The following DMXL1 variants were observed in gnomAD, a reference collection of about 807,000 sequenced individuals.
The protein encoded by DMXL1 is Dmx like 1.
In DMXL1, 99 loss-of-function variants were observed where a neutral mutation model predicts 319.2. The observed-to-expected ratio is 0.31, with a 90% CI of 0.26 to 0.37. DMXL1 has a LOEUF of 0.37. Among genes scored for constraint, DMXL1 ranks in the 10% least tolerant of loss-of-function variants. The probability of loss-of-function intolerance (pLI) is 1.00; values close to 1 mark genes in which losing one functional copy is unlikely to be tolerated. For synonymous variants in DMXL1, 1,385 were observed against 1,235.2 expected, an observed-to-expected ratio of 1.12 and a Z score of -2.54; for missense variants, 3,745 against 3,595.6, an observed-to-expected ratio of 1.04 and a Z score of -1.06.
Position 119,157,375 on chromosome 5 carries a change from T to G in DMXL1, c.4702+5339T>G, listed in dbSNP as rs1251246745. 2.0e-5 allele frequency among the ~76,000 whole-genome samples: 3 copies of G among 152,334 alleles called. No individual in the cohort carries two copies. The South Asian group carries it at 6.2e-4, about 32-fold the overall frequency. ...GCTTTTGTTGCCCGTCCCTTTGGTGTGATATCCAAAAAAATCATTGCCCAG... is the reference window on the plus strand; with the variant it reads ...GCTTTTGTTGCCCGTCCCTTTGGTGGGATATCCAAAAAAATCATTGCCCAG... On this transcript the variant is annotated intron_variant, in intron 19 of 43. Coordinates refer to ENST00000539542, the MANE Select transcript of DMXL1 (RefSeq NM_001290321.3).
rs754599114 is a variant in DMXL1 at position 119,148,976 on chromosome 5, G to A, written c.3149G>A (p.Ser1050Asn). The A allele has an allele frequency of 1.5e-5, 24 of 1,613,824 alleles. No homozygotes were observed. The highest frequency in any genetic ancestry group is 1.9e-5 in the Non-Finnish European group (22 of 1,179,862). ...GTACCTGGTAGGCCTGTAGAAGTTA[G>A]CTGTGCACATACAAATCGTTTAGCA... ...ITVPGRPVEV[S>N]CAHTNRLAVA... is the part of the protein sequence containing the mutation. Residue 1050 changes from serine to asparagine, a missense_variant, in exon 18 of 44, where the codon AGC becomes AAC. By Grantham distance (46) the Ser-to-Asn change is conservative. This residue lies in a region of DMXL1 where 2,096 missense variants were observed against 1,985.4 expected (regional missense o/e 1.06). Transcript: ENST00000539542.
intron 9 of DMXL1, among the ~76,000 whole-genome samples, chr5:119,123,925 A>G (rs1267842321): frequency 6.7e-6 from 1 of 149,890 alleles, no homozygotes; most frequent in East Asian, 2.0e-4. Context: ...TGATACTTAA[A>G]TTTTTGCTTA....
At chr5:119,152,091 C>A in intron 19 of DMXL1, 55 bp downstream of exon 19, 1 of 1,228,822 alleles carries the variant, frequency 8.1e-7, no homozygotes, top group Non-Finnish European at 1.2e-6. Flanking sequence ...AAATGAGAGA[C>A]TTGGGAGTTT....
At chr5:119,236,278 C>T (rs1347248772) in intron 39 of DMXL1, 1 of 151,944 alleles carries the variant, frequency 6.6e-6, no homozygotes, top group African/African-American at 2.4e-5. Context: ...ATTTATATTA[C>T]CACATAGGAT....
intron 20 of DMXL1, 99 bp from the exon 21 acceptor site, chr5:119,165,084 A>T: frequency 1.4e-6 from 1 of 697,334 alleles, no homozygotes; most frequent in Non-Finnish European, 2.4e-6. Flanking sequence ...TTAAAATTTT[A>T]TTAAACATTC....
rs932352324 is a variant in DMXL1, at chr5:119,248,449, A to G, written c.*1230A>G. 6.6e-6 allele frequency: 1 copy of G among 152,532 alleles called. No homozygotes were observed. The highest frequency in any genetic ancestry group is 1.9e-4 in the East Asian group (1 of 5,200). The allele number at this position is 152,532 out of a possible 1,614,324, so 9.4% of individuals were successfully genotyped here. A position where few individuals can be genotyped will look rare whatever the true frequency, so the allele number is the denominator to read the frequency against. ...GCTGTACCTTTTCTGATTCAGAATT[A>G]TAGAAAACTTGATAAATACTTGATT... is the stretch of plus-strand genomic sequence containing the variant. On this transcript the variant is annotated 3_prime_UTR_variant, in exon 44 of 44. Transcript: ENST00000539542.
At chr5:119,210,864 G>A (rs1229220613) in intron 34 of DMXL1, among the ~76,000 whole-genome samples, 1 of 149,128 alleles carries the variant, frequency 6.7e-6, no homozygotes, top group Non-Finnish European at 1.5e-5. Flanking sequence ...CTGATCTTGG[G>A]GAAAGCAGTC....
chr5:119,145,739 T>A (rs1768381044), intron 15 of DMXL1, among the ~76,000 whole-genome samples: 1 of 151,740 alleles, frequency 6.6e-6, no homozygotes. Context: ...AAGGCTAAGA[T>A]TTTTCTTAAA....
At chr5:119,215,692 T>C (rs1783559599) in intron 34 of DMXL1, among the ~76,000 whole-genome samples, 2 of 152,292 alleles carry the variant, frequency 1.3e-5, no homozygotes, top group South Asian at 2.1e-4. Flanking sequence ...TGGCCGGGCA[T>C]TGGTGATATT....
chr5:119,171,842 C>T lies in DMXL1; in HGVS notation c.6554C>T (p.Ala2185Val), dbSNP rs1171468122. 1.2e-5 allele frequency: 20 copies of T among 1,613,846 alleles called. No homozygotes were observed. The highest frequency in any genetic ancestry group is 1.5e-5 in the Non-Finnish European group (18 of 1,179,860). ...SEQTSVPLLF[A>V]CTANAKTVVA... ...CAAACCTCAGTGCCTCTCCTCTTTGCTTGTACAGCCAATGCCAAAACAGTA... is the reference window on the plus strand; with the variant it reads ...CAAACCTCAGTGCCTCTCCTCTTTGTTTGTACAGCCAATGCCAAAACAGTA... The change falls in exon 25 of 44, where the codon GCT becomes GTT. Residue 2185 changes from alanine (A) to valine (V), a missense_variant. Coordinates refer to ENST00000539542, the MANE Select transcript of DMXL1 (RefSeq NM_001290321.3).
rs144893509 is a variant in DMXL1, at chr5:119,161,967, G to A, written c.4703-2540G>A. On this transcript the variant is annotated intron_variant, in intron 19 of 43. Coordinates refer to ENST00000539542, the MANE Select transcript of DMXL1 (RefSeq NM_001290321.3). ...GTCTACCTCCTTTCTTTGTTTCTAC[G>A]CAACACCAGATGATCTAGCTGTGAC... Among the ~76,000 whole-genome samples the A allele has an allele frequency of 1.7e-4, 26 of 152,260 alleles. 1 individual carries two copies. Among genetic ancestry groups the A allele is most frequent in the Admixed American group, 1.0e-3 (16 of 15,298 alleles).
chr5:119,232,850 A>G (rs1319208113), intron 38 of DMXL1, among the ~76,000 whole-genome samples: 3 of 151,938 alleles, frequency 2.0e-5, no homozygotes, highest in East Asian at 1.9e-4. Context: ...AAAAAAACAG[A>G]TAACATATAT....
At chr5:119,228,588 G>T (rs1029999529) in intron 38 of DMXL1, among the ~76,000 whole-genome samples, 2 of 152,070 alleles carry the variant, frequency 1.3e-5, no homozygotes, top group African/African-American at 4.8e-5. Flanking sequence ...TGCTTCCCAT[G>T]CAATTTAACA....
intron 1 of DMXL1, among the ~76,000 whole-genome samples, chr5:119,075,209 A>G (rs1325031871): frequency 6.6e-6 from 1 of 151,548 alleles, no homozygotes; most frequent in Non-Finnish European, 1.5e-5. Flanking sequence ...TTTGAGTCCA[A>G]ATAAAATATT....
chr5:119,124,311 C>G (rs1000747795), intron 9 of DMXL1, among the ~76,000 whole-genome samples: 2 of 147,524 alleles, frequency 1.4e-5, no homozygotes, highest in African/African-American at 2.5e-5. Flanking sequence ...GAGCGAGACT[C>G]CATCTCAAAA....
chr5:119,083,302 C>G (rs1198353686), intron 1 of DMXL1, among the ~76,000 whole-genome samples: 1 of 151,880 alleles, frequency 6.6e-6, no homozygotes, highest in Non-Finnish European at 1.5e-5. Context: ...TAGTTCCATC[C>G]TTGTTGCTGC....
chr5:119,119,030 C>G (rs191440572), intron 8 of DMXL1, 26 bp downstream of exon 8: 27 of 1,540,478 alleles, frequency 1.8e-5, no homozygotes, highest in Non-Finnish European at 2.4e-5. Flanking sequence ...ACATTACTTA[C>G]TACAAGTTTT....
intron 15 of DMXL1, among the ~76,000 whole-genome samples, chr5:119,145,776 C>T (rs372231288): frequency 2.0e-5 from 3 of 151,474 alleles, no homozygotes; most frequent in South Asian, 2.1e-4. Flanking sequence ...TACTTTTACC[C>T]AAAAACTATT....
chr5:119,085,375 ATAAT>A (rs984936723), intron 1 of DMXL1, among the ~76,000 whole-genome samples: 13 of 151,212 alleles, frequency 8.6e-5, no homozygotes, highest in African/African-American at 2.7e-4. Flanking sequence ...TATAATAATA[ATAAT>A]TAATTCTGGA....
Sources: gnomAD v4.1 joint callset for allele counts (sites outside exome capture counted in the v4.1 genomes callset) on GRCh38, gnomAD v4.1.1 for gene constraint, gnomAD v4.1.1 regional missense constraint, MANE v1.5 for transcripts, NCBI Gene and HGNC (gene_info 2026-07-23, HGNC 2026-07-21) for gene names.